The following GALNT16 variants were observed in gnomAD, a reference collection of about 807,000 sequenced individuals.
The protein encoded by GALNT16 is UDP-GalNAc:polypeptide N-acetylgalactosaminyltransferase-like protein 1.
In GALNT16, 40 loss-of-function variants were observed where a neutral mutation model predicts 76.1. The ratio of observed to expected loss-of-function variants is 0.53; its 90% CI spans 0.41 to 0.68. The LOEUF (loss-of-function observed/expected upper bound fraction) is 0.68. Ranked by LOEUF, GALNT16 falls within the 30% of genes least tolerant of loss-of-function variation. The pLI is 0.00. For synonymous variants in GALNT16, 276 were observed against 285.2 expected (o/e 0.97, Z 0.32); for missense variants, 621 against 731.9 (o/e 0.85, Z 1.75).
the GALNT16 span, among the ~76,000 whole-genome samples, chr14:69,386,081 T>C: frequency 3.9e-4 from 60 of 152,346 alleles, no homozygotes; most frequent in African/African-American, 1.4e-3. Flanking sequence ...GCAACATTCA[T>C]TTGAATGTTC....
At chr14:69,262,646 C>T (rs1157938486) in intron 1 of GALNT16, among the ~76,000 whole-genome samples, 2 of 152,258 alleles carry the variant, frequency 1.3e-5, no homozygotes, top group East Asian at 3.9e-4. Context: ...TCTGTGGCCA[C>T]TTAGGGGCAC....
chr14:69,305,585 G>A (rs2044921580), intron 1 of GALNT16, among the ~76,000 whole-genome samples: 1 of 152,056 alleles, frequency 6.6e-6, no homozygotes, highest in African/African-American at 2.4e-5. Context: ...TTCAAGTTCT[G>A]AGCCCAATTT....
intron 1 of GALNT16, among the ~76,000 whole-genome samples, chr14:69,291,833 C>T (rs1251771441): frequency 1.3e-5 from 2 of 152,138 alleles, no homozygotes; most frequent in African/African-American, 4.8e-5. Flanking sequence ...ACTGAGAAAC[C>T]GTGTGAAATT....
intron 1 of GALNT16, among the ~76,000 whole-genome samples, chr14:69,286,058 C>A (rs72722115): frequency 0.095 from 14,469 of 152,184 alleles, 920 homozygotes; most frequent in South Asian, 0.19. Context: ...CTTTAACCAG[C>A]ACCTGGCTGG....
At chr14:69,338,800 C>T (rs536960963) in intron 10 of GALNT16, 23 bp downstream of exon 10, 190 of 1,597,828 alleles carry the variant, frequency 1.2e-4, no homozygotes, top group Non-Finnish European at 1.5e-4. Context: ...GAAAGGAGCA[C>T]GGGACTCAGA....
chr14:69,328,967 C>T (rs928723580), intron 6 of GALNT16, among the ~76,000 whole-genome samples: 3 of 152,190 alleles, frequency 2.0e-5, no homozygotes, highest in African/African-American at 7.2e-5. Flanking sequence ...CTGCCACGTG[C>T]CTACTGTTCT....
At chr14:69,322,925 G>GGGTGTGTGT (rs797021875) in intron 2 of GALNT16, among the ~76,000 whole-genome samples, 8 of 103,768 alleles carry the variant, frequency 7.7e-5, no homozygotes, top group East Asian at 8.0e-4. Flanking sequence ...TGGCTCACGG[G>GGGTGTGTGT]GTGTGTGTGT....
chr14:69,296,784 GAGAT>G (rs1566869344), intron 1 of GALNT16, among the ~76,000 whole-genome samples: 1 of 128,106 alleles, frequency 7.8e-6, no homozygotes, highest in African/African-American at 3.0e-5. Flanking sequence ...ATAGATGATA[GAGAT>G]AGACAGACAG....
Position 69,312,981 on chromosome 14 carries a change from G to A in GALNT16, c.178-7730G>A, listed in dbSNP as rs112790239. ...GCCAGACAGCCTCAATTTTGGTCCC[G>A]GCTAAGCCACTCAGCAGCTATGTGA... On this transcript the variant is annotated intron_variant, in intron 1 of 14. Coordinates refer to ENST00000448469, the MANE Select transcript of GALNT16 (RefSeq NM_001168368.2). Among the ~76,000 whole-genome samples the A allele has an allele frequency of 6.3e-3, 957 of 152,298 alleles. 16 individuals are homozygous for A. The highest frequency in any genetic ancestry group is 0.022 in the African/African-American group (923 of 41,560).
chr14:69,375,835 G>C, the GALNT16 span, among the ~76,000 whole-genome samples: 1 of 152,142 alleles, frequency 6.6e-6, no homozygotes, highest in Non-Finnish European at 1.5e-5. Flanking sequence ...ACAGGGTCTT[G>C]CTATGTTGCT....
intron 9 of GALNT16, among the ~76,000 whole-genome samples, chr14:69,335,962 C>T (rs1410835969): frequency 6.6e-6 from 1 of 152,124 alleles, no homozygotes; most frequent in East Asian, 1.9e-4. Context: ...CTTCTGTGCT[C>T]AAAACCTTGC....
chr14:69,279,441 T>G (rs1409806035), intron 1 of GALNT16, among the ~76,000 whole-genome samples: 1 of 152,254 alleles, frequency 6.6e-6, no homozygotes, highest in Non-Finnish European at 1.5e-5. Context: ...GACAATCTTT[T>G]GTAAATCTCA....
the GALNT16 span, among the ~76,000 whole-genome samples, chr14:69,375,922 A>G: frequency 6.6e-6 from 1 of 152,186 alleles, no homozygotes. Flanking sequence ...TATTGGCATT[A>G]GCCACCATGC....
At chr14:69,357,399 C>T (rs1361159439), downstream of GALNT16, 1 of 152,254 alleles carries the variant, frequency 6.6e-6, no homozygotes, top group Non-Finnish European at 1.5e-5. Flanking sequence ...GTGGCCTGGG[C>T]TTTTTACCCT....
At chr14:69,356,578 CAG>C (rs1301949023), downstream of GALNT16, 3 of 72,030 alleles carry the variant, frequency 4.2e-5, no homozygotes, top group Non-Finnish European at 7.0e-5. Context: ...TTTTTTGAGA[CAG>C]AGTGTTGCTC....
intron 1 of GALNT16, among the ~76,000 whole-genome samples, chr14:69,305,898 C>G (rs1227662315): frequency 6.6e-6 from 1 of 152,076 alleles, no homozygotes; most frequent in East Asian, 1.9e-4. Context: ...TTGCAATTTC[C>G]AGTCTTATAT....
At chr14:69,297,693 AT>A (rs1234435035) in intron 1 of GALNT16, among the ~76,000 whole-genome samples, 1 of 151,768 alleles carries the variant, frequency 6.6e-6, no homozygotes, top group Non-Finnish European at 1.5e-5. Flanking sequence ...TCCAGTTAAC[AT>A]TTTTTTAAAA....
chr14:69,276,434 G>T (rs1312091825), intron 1 of GALNT16, among the ~76,000 whole-genome samples: 3 of 152,160 alleles, frequency 2.0e-5, no homozygotes, highest in Non-Finnish European at 2.9e-5. Context: ...TGTAATCCCA[G>T]CACTTTGGGA....
intron 1 of GALNT16, among the ~76,000 whole-genome samples, chr14:69,299,214 G>T (rs897971614): frequency 6.6e-6 from 1 of 152,152 alleles, no homozygotes; most frequent in Admixed American, 6.5e-5. Flanking sequence ...TTGCTGTGCT[G>T]TTTCTCTCCT....
Sources: allele counts gnomAD v4.1 joint callset (sites outside exome capture counted in the v4.1 genomes callset), GRCh38; gene constraint gnomAD v4.1.1; transcripts MANE v1.5; gene names NCBI Gene and HGNC (gene_info 2026-07-23, HGNC 2026-07-21).